The following FOLH1 variants were observed in gnomAD, a reference collection of about 807,000 sequenced individuals.
FOLH1 encodes folate hydrolase 1.
In FOLH1, 54 loss-of-function variants were observed where a neutral mutation model predicts 93.9. That is an observed-to-expected ratio of 0.57 (90% CI 0.46 to 0.72). The LOEUF is 0.72. FOLH1 is among the 30% of genes least tolerant of loss of function. FOLH1 has a pLI of 0.00. For synonymous variants in FOLH1, 249 were observed against 303.6 expected (o/e 0.82, Z 1.87); for missense variants, 571 against 892.5 (o/e 0.64, Z 4.59).
At chr11:49,167,160 T>G (rs1211570914) in intron 12 of FOLH1, among the ~76,000 whole-genome samples, 2 of 152,256 alleles carry the variant, frequency 1.3e-5, no homozygotes. Flanking sequence ...TATACATGTA[T>G]ATATTTCACC....
At chr11:49,164,618 T>C (rs529917064) in intron 13 of FOLH1, 87 bp downstream of exon 13, 8 of 892,538 alleles carry the variant, frequency 9.0e-6, no homozygotes, top group African/African-American at 6.8e-5. Flanking sequence ...CAAGAAGTTA[T>C]AAAACACCAC....
At chr11:49,164,047 G>A (rs2950753) in intron 13 of FOLH1, among the ~76,000 whole-genome samples, 16 of 152,010 alleles carry the variant, frequency 1.1e-4, no homozygotes, top group South Asian at 2.1e-4. Flanking sequence ...GTATCTGCTC[G>A]TTTCAGTTGA....
chr11:49,153,126 T>A (rs1856654207), intron 17 of FOLH1, among the ~76,000 whole-genome samples: 1 of 152,166 alleles, frequency 6.6e-6, no homozygotes, highest in Non-Finnish European at 1.5e-5. Flanking sequence ...AATACACAGA[T>A]CTCTGCCCTC....
chr11:49,166,651 T>C (rs540131226), intron 12 of FOLH1, among the ~76,000 whole-genome samples: 1 of 152,230 alleles, frequency 6.6e-6, no homozygotes, highest in Non-Finnish European at 1.5e-5. Context: ...TTGTACATTT[T>C]ACATTTTAAC....
At chr11:49,202,765 G>A (rs1174515893) in intron 2 of FOLH1, among the ~76,000 whole-genome samples, 2 of 152,200 alleles carry the variant, frequency 1.3e-5, no homozygotes, top group Non-Finnish European at 2.9e-5. Context: ...TTTAGTAAAA[G>A]GTGGAATTAG....
At chr11:49,163,365 T>C (rs1187174209) in intron 13 of FOLH1, among the ~76,000 whole-genome samples, 2 of 152,058 alleles carry the variant, frequency 1.3e-5, no homozygotes, top group Non-Finnish European at 2.9e-5. Flanking sequence ...GGCCACGTTT[T>C]TGTGAGGCCA....
chr11:49,190,944 A>G (rs1456684492), intron 4 of FOLH1, among the ~76,000 whole-genome samples: 2 of 152,244 alleles, frequency 1.3e-5, no homozygotes, highest in African/African-American at 2.4e-5. Flanking sequence ...AATGTGATCT[A>G]TTGAAGAAGC....
At chr11:49,162,562 C>T (rs1857828346) in intron 13 of FOLH1, among the ~76,000 whole-genome samples, 3 of 152,128 alleles carry the variant, frequency 2.0e-5, no homozygotes. Flanking sequence ...AAACTTTGTC[C>T]CTATCCATAT....
In FOLH1 at chr11:49,200,250, T is replaced by A. The variant is rs1389907047; in HGVS notation, c.411+5A>T. The A allele has an allele frequency of 9.9e-6, 15 of 1,510,740 alleles. No individual in the cohort carries two copies. Among genetic ancestry groups the A allele is most frequent in the South Asian group, 3.9e-5 (3 of 76,250 alleles). The allele number at this position is 1,510,740 out of a possible 1,614,324, so 93.6% of individuals were successfully genotyped here. A position where few individuals can be genotyped will look rare whatever the true frequency, so the allele number is the denominator to read the frequency against. Reference sequence around the variant, plus strand: ...GTTTCTTTTATTTATTTATTTATTTTTTACCTCATTTCCATCTTCATTAAT... The same window carrying A: ...GTTTCTTTTATTTATTTATTTATTTATTACCTCATTTCCATCTTCATTAAT... On this transcript the variant is annotated splice_donor_5th_base_variant and intron_variant, in intron 3 of 18. Transcript: ENST00000256999.
chr11:49,204,168 A>G (rs1863591672), intron 2 of FOLH1, among the ~76,000 whole-genome samples: 1 of 152,232 alleles, frequency 6.6e-6, no homozygotes, highest in South Asian at 2.1e-4. Flanking sequence ...ATCATGGGAA[A>G]GAGGCAAGCG....
intron 4 of FOLH1, among the ~76,000 whole-genome samples, chr11:49,191,046 C>A (rs532465774): frequency 5.3e-5 from 8 of 152,316 alleles, no homozygotes; most frequent in Admixed American, 2.6e-4. Flanking sequence ...GGTGCGGAGG[C>A]AGGCAGATCA....
chr11:49,194,577 A>G (rs1279198248), intron 3 of FOLH1, among the ~76,000 whole-genome samples: 1 of 152,148 alleles, frequency 6.6e-6, no homozygotes, highest in Non-Finnish European at 1.5e-5. Context: ...TTTAGGGGAA[A>G]AAAGGAAGAG....
At chr11:49,199,003 A>G (rs529991733) in intron 3 of FOLH1, among the ~76,000 whole-genome samples, 1 of 152,290 alleles carries the variant, frequency 6.6e-6, no homozygotes, top group South Asian at 2.1e-4. Flanking sequence ...AAAATTTAGT[A>G]TGGAATTATA....
chr11:49,208,214 G>T, intron 1 of FOLH1, 78 bp downstream of exon 1: 1 of 1,072,088 alleles, frequency 9.3e-7, no homozygotes, highest in South Asian at 1.6e-5. Flanking sequence ...GATCCCACTC[G>T]GCAGCTGACC....
chr11:49,151,914 T>C (rs1325027032), intron 17 of FOLH1, among the ~76,000 whole-genome samples: 1 of 152,194 alleles, frequency 6.6e-6, no homozygotes. Context: ...ATAAAAATTA[T>C]AAAGAATTGA....
At chr11:49,158,103 T>C (rs1857224731) in intron 13 of FOLH1, 60 bp from the exon 14 acceptor site, 15 of 1,479,128 alleles carry the variant, frequency 1.0e-5, no homozygotes, top group African/African-American at 4.3e-5. Flanking sequence ...AAAAACTAGA[T>C]GTCCATTAAC....
At chr11:49,195,614 A>C (rs202698) in intron 3 of FOLH1, among the ~76,000 whole-genome samples, 29,363 of 151,898 alleles carry the variant, frequency 0.19, 3,479 homozygotes, top group African/African-American at 0.32. Context: ...AGATTGCCAA[A>C]GCCAAAGTTT....
At chr11:49,175,195 A>G (rs2696894) in intron 8 of FOLH1, among the ~76,000 whole-genome samples, 4 of 152,166 alleles carry the variant, frequency 2.6e-5, no homozygotes, top group African/African-American at 7.2e-5. Context: ...CCAAATGGCT[A>G]AAGTTTAACT....
Position 49,208,445 on chromosome 11 carries a change from G to A in FOLH1, c.-36C>T. 6.8e-7 allele frequency: 1 copy of A among 1,467,918 alleles called. No individual in the cohort carries two copies. Among genetic ancestry groups the A allele is most frequent in the Non-Finnish European group, 9.4e-7 (1 of 1,068,394 alleles). The allele number at this position is 1,467,918 out of a possible 1,614,324, so 90.9% of individuals were successfully genotyped here. Reference sequence around the variant, plus strand: ...GCAGAGCCGGCCTCCCGGGACCCGCGCCTGTGCTGCTGCTCTACTGCGCGC... The same window carrying A: ...GCAGAGCCGGCCTCCCGGGACCCGCACCTGTGCTGCTGCTCTACTGCGCGC... On this transcript the variant is annotated 5_prime_UTR_variant, in exon 1 of 19. Transcript: ENST00000256999.
Sources: gnomAD v4.1 joint callset for allele counts (sites outside exome capture counted in the v4.1 genomes callset) on GRCh38, gnomAD v4.1.1 for gene constraint, MANE v1.5 for transcripts, NCBI Gene and HGNC (gene_info 2026-07-23, HGNC 2026-07-21) for gene names.